Variants in PRKG1 observed in about 807,000 individuals in gnomAD.
PRKG1 encodes protein kinase cGMP-dependent 1.
A neutral mutation model predicts 88.1 loss-of-function variants in PRKG1; 35 were observed. The observed-to-expected ratio is 0.40, with a 90% CI of 0.30 to 0.53. The LOEUF (loss-of-function observed/expected upper bound fraction) is 0.53, where lower values mean the gene tolerates loss of function less well. Ranked by LOEUF, PRKG1 falls within the 20% of genes least tolerant of loss-of-function variation. The pLI is 0.59. For missense variants in PRKG1, 540 were observed against 839.8 expected, an observed-to-expected ratio of 0.64 and a Z score of 4.41; for synonymous variants, 303 against 292.5, an observed-to-expected ratio of 1.04 and a Z score of -0.37.
intron 1 of PRKG1, among the ~76,000 whole-genome samples, chr10:50,997,705 A>G (rs1842850128): frequency 6.6e-6 from 1 of 152,230 alleles, no homozygotes; most frequent in Non-Finnish European, 1.5e-5. Flanking sequence ...AACCAGGGAT[A>G]GCATATCCTG....
intron 3 of PRKG1, among the ~76,000 whole-genome samples, chr10:51,488,680 G>A (rs975085087): frequency 6.6e-6 from 1 of 152,104 alleles, no homozygotes; most frequent in African/African-American, 2.4e-5. Flanking sequence ...TGAACGCTAT[G>A]TGGCATTAAA....
rs1845673127 is a variant in PRKG1 at position 52,038,461 on chromosome 10, G to A, written c.763-16023G>A. 4.6e-5 allele frequency among the ~76,000 whole-genome samples: 7 copies of A among 151,898 alleles called. No individual in the cohort carries two copies. In the South Asian group the frequency reaches 1.5e-3, roughly 32 times the overall value. On this transcript the variant is annotated intron_variant, in intron 5 of 17. Coordinates refer to ENST00000373980, the MANE Select transcript of PRKG1 (RefSeq NM_006258.4). ...GGGATTGGGGCACAGAGATATAAGA[G>A]GTTGGGGCGCGGAAATAAGGGATTG...
chr10:51,783,424 G>A (rs188662294), intron 3 of PRKG1, among the ~76,000 whole-genome samples: 180 of 152,084 alleles, frequency 1.2e-3, no homozygotes, highest in Non-Finnish European at 2.2e-3. Context: ...GATTACAAGC[G>A]TCCCCCACCA....
At chr10:52,179,922 C>T (rs545163836) in intron 9 of PRKG1, among the ~76,000 whole-genome samples, 15 of 152,228 alleles carry the variant, frequency 9.9e-5, no homozygotes, top group Middle Eastern at 3.4e-3. Context: ...CTCCTGATTT[C>T]GTGATCTGCC....
chr10:51,078,379 C>T (rs1043027828), intron 1 of PRKG1, among the ~76,000 whole-genome samples: 2 of 144,082 alleles, frequency 1.4e-5, no homozygotes, highest in Non-Finnish European at 3.0e-5. Flanking sequence ...CCACCAATGC[C>T]TGGCTATTTT....
chr10:52,019,023 TG>T (rs1284520948), intron 5 of PRKG1, among the ~76,000 whole-genome samples: 2 of 152,164 alleles, frequency 1.3e-5, no homozygotes, highest in Non-Finnish European at 2.9e-5. Flanking sequence ...AATGCAAGAT[TG>T]GATATTGACA....
intron 2 of PRKG1, among the ~76,000 whole-genome samples, chr10:51,156,297 G>GCACACGCACACACACACACACACA (rs1554841313): frequency 1.4e-4 from 5 of 35,134 alleles, no homozygotes; most frequent in Non-Finnish European, 5.5e-5. Flanking sequence ...TTTGATGCAA[G>GCACACGCACACACACACACACACA]CACACACACA....
rs533772229 is a variant in PRKG1, at chr10:51,279,836, G to A, written c.478+126506G>A. Among the ~76,000 whole-genome samples the A allele has an allele frequency of 8.0e-3, 1,211 of 152,264 alleles. 13 individuals are homozygous for A. The highest frequency in any genetic ancestry group is 0.027 in the African/African-American group (1,138 of 41,554). ...TCTTGACTCTTTATCCAATTTGCCA[G>A]TCTGTGTCTTTTAATTGGAGCATTT... On this transcript the variant is annotated intron_variant, in intron 2 of 17. Transcript: ENST00000373980.
chr10:52,017,266 T>C (rs1330801068), intron 5 of PRKG1, among the ~76,000 whole-genome samples: 3 of 152,158 alleles, frequency 2.0e-5, no homozygotes, highest in Non-Finnish European at 4.4e-5. Flanking sequence ...AATCTTCTCA[T>C]TGCATTATGG....
chr10:52,042,044 G>A (rs1257567358), intron 5 of PRKG1, among the ~76,000 whole-genome samples: 1 of 152,014 alleles, frequency 6.6e-6, no homozygotes, highest in East Asian at 1.9e-4. Flanking sequence ...ATAAAGCACT[G>A]ATGAAAGAAA....
At chr10:52,050,967 G>A (rs1049244924) in intron 5 of PRKG1, among the ~76,000 whole-genome samples, 3 of 152,094 alleles carry the variant, frequency 2.0e-5, no homozygotes, top group Admixed American at 2.0e-4. Flanking sequence ...TCTGCAGCTG[G>A]GGTTAGGGTG....
chr10:51,223,083 A>G (rs1294492540), intron 2 of PRKG1, among the ~76,000 whole-genome samples: 1 of 151,996 alleles, frequency 6.6e-6, no homozygotes, highest in Non-Finnish European at 1.5e-5. Context: ...AGTAAACAAT[A>G]GAGGAATATT....
At chr10:51,150,574 A>C (rs1008932801) in intron 1 of PRKG1, among the ~76,000 whole-genome samples, 2 of 152,146 alleles carry the variant, frequency 1.3e-5, no homozygotes, top group African/African-American at 4.8e-5. Flanking sequence ...GACAATTCAG[A>C]AATAATGCTA....
At chr10:51,654,093 T>C (rs905217724) in intron 3 of PRKG1, among the ~76,000 whole-genome samples, 6 of 152,128 alleles carry the variant, frequency 3.9e-5, no homozygotes, top group African/African-American at 7.2e-5. Flanking sequence ...TAAAAAAAAA[T>C]CACTGCCCAG....
At chr10:51,236,997 T>A (rs1839012321) in intron 2 of PRKG1, among the ~76,000 whole-genome samples, 1 of 152,202 alleles carries the variant, frequency 6.6e-6, no homozygotes, top group Admixed American at 6.5e-5. Flanking sequence ...TCAGACTTCC[T>A]GTTTTGCTCA....
chr10:51,247,667 G>A (rs546364322), intron 2 of PRKG1, among the ~76,000 whole-genome samples: 1 of 151,930 alleles, frequency 6.6e-6, no homozygotes, highest in Non-Finnish European at 1.5e-5. Flanking sequence ...GAAGGCACCT[G>A]CTAAATTTGT....
At chr10:51,851,205 T>C (rs1892370) in intron 4 of PRKG1, among the ~76,000 whole-genome samples, 147,953 of 152,280 alleles carry the variant, frequency 0.97, 71,896 homozygotes, top group East Asian at 1. Context: ...GTATTCATCC[T>C]TATTTGCTTA....
intron 10 of PRKG1, among the ~76,000 whole-genome samples, chr10:52,258,603 A>T (rs935271101): frequency 1.3e-5 from 2 of 152,054 alleles, no homozygotes; most frequent in African/African-American, 4.8e-5. Flanking sequence ...TTTTTTAACT[A>T]GAAGCTTAAT....
At chr10:51,101,825 T>A (rs941152173) in intron 1 of PRKG1, among the ~76,000 whole-genome samples, 1 of 152,078 alleles carries the variant, frequency 6.6e-6, no homozygotes, top group Non-Finnish European at 1.5e-5. Flanking sequence ...TCAGAAAACA[T>A]AAGGACTGGA....
Sources: allele counts gnomAD v4.1 joint callset (sites outside exome capture counted in the v4.1 genomes callset), GRCh38; gene constraint gnomAD v4.1.1; transcripts MANE v1.5; gene names NCBI Gene and HGNC (gene_info 2026-07-23, HGNC 2026-07-21).